KATNAL1: variants seen among roughly 807,000 people sequenced by gnomAD.
KATNAL1 encodes the protein katanin p60 ATPase-containing subunit A-like 1.
KATNAL1 carries 32 observed loss-of-function variants against 55.2 expected under a neutral mutation model. That is an observed-to-expected ratio of 0.58 (90% CI 0.44 to 0.78). The LOEUF (loss-of-function observed/expected upper bound fraction) is 0.78. Among genes scored for constraint, KATNAL1 ranks in the 30% least tolerant of loss-of-function variants. The pLI is 0.00. For synonymous variants in KATNAL1, 193 were observed against 193.6 expected (o/e 1.00, Z 0.02); for missense variants, 466 against 600.9 (o/e 0.78, Z 2.35).
At chr13:30,253,751 C>G (rs1187241326) in intron 4 of KATNAL1, among the ~76,000 whole-genome samples, 1 of 151,746 alleles carries the variant, frequency 6.6e-6, no homozygotes, top group Non-Finnish European at 1.5e-5. Flanking sequence ...ATTTAAAAAC[C>G]AACATTTAAT....
chr13:30,296,306 G>A (rs768238216), intron 1 of KATNAL1: 25 of 1,205,370 alleles, frequency 2.1e-5, no homozygotes, highest in Middle Eastern at 2.0e-4. Flanking sequence ...GTGCCCCACG[G>A]AGATCACTGC....
At chr13:30,299,361 A>G (rs1345137143) in intron 1 of KATNAL1, among the ~76,000 whole-genome samples, 3 of 152,176 alleles carry the variant, frequency 2.0e-5, no homozygotes, top group Non-Finnish European at 4.4e-5. Flanking sequence ...ATTAAATGTG[A>G]TCATATGTTA....
chr13:30,236,790 A>G (rs1350089053), intron 6 of KATNAL1, among the ~76,000 whole-genome samples: 1 of 152,226 alleles, frequency 6.6e-6, no homozygotes, highest in Non-Finnish European at 1.5e-5. Flanking sequence ...TATGTCCCAT[A>G]TAAACACTCT....
chr13:30,251,284 A>G (rs1878286242), intron 4 of KATNAL1, among the ~76,000 whole-genome samples: 1 of 152,062 alleles, frequency 6.6e-6, no homozygotes, highest in Non-Finnish European at 1.5e-5. Flanking sequence ...TTCTATGTAT[A>G]TATCTGACTC....
intron 4 of KATNAL1, among the ~76,000 whole-genome samples, chr13:30,243,264 T>C (rs1362263993): frequency 6.6e-6 from 1 of 152,206 alleles, no homozygotes; most frequent in Non-Finnish European, 1.5e-5. Context: ...CTTTCATTAG[T>C]GTTGGATAAT....
intron 4 of KATNAL1, among the ~76,000 whole-genome samples, chr13:30,250,120 A>T (rs755821322): frequency 4.6e-5 from 7 of 152,240 alleles, no homozygotes; most frequent in Non-Finnish European, 1.0e-4. Flanking sequence ...GTTCAGTGAC[A>T]TGATGTTGAA....
At chr13:30,277,089 G>A (rs1164280961) in intron 3 of KATNAL1, among the ~76,000 whole-genome samples, 1 of 152,050 alleles carries the variant, frequency 6.6e-6, no homozygotes, top group Admixed American at 6.5e-5. Flanking sequence ...CTTAAGACTT[G>A]GACATTTAAA....
chr13:30,215,077 G>GA (rs1200449432), intron 9 of KATNAL1, among the ~76,000 whole-genome samples: 4 of 150,442 alleles, frequency 2.7e-5, no homozygotes, highest in Admixed American at 6.6e-5. Context: ...AAATTTACAA[G>GA]AAAAAAACAA....
chr13:30,306,780 G>C (rs1470023894), intron 1 of KATNAL1: 1 of 152,232 alleles, frequency 6.6e-6, no homozygotes, highest in African/African-American at 2.4e-5. Flanking sequence ...GCACCGAAAG[G>C]CAGCAACCTG....
At chr13:30,271,535 TAC>T (rs974732536) in intron 3 of KATNAL1, among the ~76,000 whole-genome samples, 1 of 151,938 alleles carries the variant, frequency 6.6e-6, no homozygotes, top group African/African-American at 2.4e-5. Flanking sequence ...AGGGAGGTGC[TAC>T]ACACTTTTTA....
At chr13:30,222,413 G>A (rs1027699610) in intron 9 of KATNAL1, among the ~76,000 whole-genome samples, 7 of 152,042 alleles carry the variant, frequency 4.6e-5, no homozygotes, top group Non-Finnish European at 8.8e-5. Flanking sequence ...CCCCATAATC[G>A]TGTGAGCCAA....
intron 1 of KATNAL1, chr13:30,306,966 A>T (rs1883222863): frequency 6.6e-6 from 1 of 152,202 alleles, no homozygotes; most frequent in African/African-American, 2.4e-5. Flanking sequence ...CAACGCACAG[A>T]GCCCAGGTCC....
At chr13:30,240,418 A>G (rs751631201) in intron 6 of KATNAL1, 42 bp downstream of exon 6, 1 of 1,324,558 alleles carries the variant, frequency 7.5e-7, no homozygotes, top group Non-Finnish European at 1.1e-6. Flanking sequence ...TTCCAGTGCC[A>G]AGTAGCATTC....
intron 7 of KATNAL1, 74 bp from the exon 8 acceptor site, chr13:30,230,668 A>G (rs747172502): frequency 5.3e-5 from 60 of 1,136,404 alleles, no homozygotes; most frequent in Admixed American, 7.8e-5. Context: ...AAATCTTTTA[A>G]AACAATGGCA....
rs554656337 is a variant in KATNAL1 at position 30,256,310 on chromosome 13, T to C, written c.324-695A>G. ...ATAACATATTTTGTTTCATCTACTGTGGAACTTGTCTCCTGCAAACATTAA... is the reference window on the plus strand; with the variant it reads ...ATAACATATTTTGTTTCATCTACTGCGGAACTTGTCTCCTGCAAACATTAA... On this transcript the variant is annotated intron_variant, in intron 3 of 10. Transcript: ENST00000380615. 5.1e-4 allele frequency among the ~76,000 whole-genome samples: 78 copies of C among 152,390 alleles called. 1 individual carries two copies. Among genetic ancestry groups the C allele is most frequent in the African/African-American group, 1.8e-3 (74 of 41,598 alleles).
rs1872992473 is a variant in KATNAL1, at chr13:30,205,159, AT to A, written c.*3380del. ...TCAAAACAGATTTAAAGTGCAAAAA[AT>A]AGGGGAAAAAAACTTTTATATATTT... On this transcript the variant is annotated 3_prime_UTR_variant, in exon 11 of 11. Coordinates refer to ENST00000380615, the MANE Select transcript of KATNAL1 (RefSeq NM_032116.5). 2 of 152,350 alleles carry A rather than the reference AT, an allele frequency of 1.3e-5. No individual in the cohort carries two copies. Among genetic ancestry groups the A allele is most frequent in the South Asian group, 4.1e-4 (2 of 4,828 alleles). The allele number at this position is 152,350 out of a possible 1,614,324, so 9.4% of individuals were successfully genotyped here. A position where few individuals can be genotyped will look rare whatever the true frequency, so the allele number is the denominator to read the frequency against.
intron 1 of KATNAL1, among the ~76,000 whole-genome samples, chr13:30,304,841 G>A (rs186839093): frequency 5.2e-4 from 79 of 152,126 alleles, no homozygotes; most frequent in African/African-American, 1.8e-3. Context: ...CTCAATCAAC[G>A]GATTCACTAT....
intron 3 of KATNAL1, among the ~76,000 whole-genome samples, chr13:30,260,622 G>A (rs144127663): frequency 0.02 from 3,066 of 152,216 alleles, 75 homozygotes; most frequent in African/African-American, 0.062. Flanking sequence ...GGGTATCAGC[G>A]ATGGAAGATG....
At chr13:30,249,547 A>G (rs536700987) in intron 4 of KATNAL1, among the ~76,000 whole-genome samples, 2 of 152,368 alleles carry the variant, frequency 1.3e-5, no homozygotes, top group African/African-American at 4.8e-5. Context: ...ATACTACTAT[A>G]TGACAATGAA....
Sources: gnomAD v4.1 joint callset for allele counts (sites outside exome capture counted in the v4.1 genomes callset) on GRCh38, gnomAD v4.1.1 for gene constraint, MANE v1.5 for transcripts, NCBI Gene and HGNC (gene_info 2026-07-23, HGNC 2026-07-21) for gene names.